The following EIPR1 variants were observed in gnomAD, a reference collection of about 807,000 sequenced individuals.
EIPR1 encodes the protein EARP and GARP complex-interacting protein 1.
In EIPR1, 25 loss-of-function variants were observed where a neutral mutation model predicts 48.1. The observed-to-expected ratio is 0.52, with a 90% CI of 0.38 to 0.73. The LOEUF is 0.73. Ranked by LOEUF, EIPR1 falls within the 30% of genes least tolerant of loss-of-function variation. The pLI, the probability that EIPR1 is intolerant of heterozygous loss-of-function variation, is 0.00. For synonymous variants in EIPR1, 204 were observed against 201.9 expected, an observed-to-expected ratio of 1.01 and a Z score of -0.09; for missense variants, 415 against 506.2, an observed-to-expected ratio of 0.82 and a Z score of 1.73.
At chr2:3,284,967 G>A (rs961106086) in intron 3 of EIPR1, among the ~76,000 whole-genome samples, 2 of 152,312 alleles carry the variant, frequency 1.3e-5, no homozygotes, top group Admixed American at 6.5e-5. Context: ...AAGAACAGAC[G>A]TGTAGGTATG....
chr2:3,321,371 C>G (rs1379902459), intron 3 of EIPR1, among the ~76,000 whole-genome samples: 1 of 152,212 alleles, frequency 6.6e-6, no homozygotes, highest in African/African-American at 2.4e-5. Flanking sequence ...GTATCAGCAT[C>G]TTGAGTGCAG....
At chr2:3,338,457 G>A (rs563179739) in intron 2 of EIPR1, among the ~76,000 whole-genome samples, 3 of 152,152 alleles carry the variant, frequency 2.0e-5, no homozygotes, top group African/African-American at 4.8e-5. Flanking sequence ...CTCTTAGACC[G>A]AGCCACTGTT....
chr2:3,199,155 C>T (rs556113242), intron 5 of EIPR1, among the ~76,000 whole-genome samples: 12 of 148,758 alleles, frequency 8.1e-5, no homozygotes, highest in South Asian at 2.1e-4. Flanking sequence ...TTATCTTATC[C>T]GTTTTGGTAA....
At chr2:3,284,838 G>T (rs1405839187) in intron 3 of EIPR1, among the ~76,000 whole-genome samples, 1 of 152,134 alleles carries the variant, frequency 6.6e-6, no homozygotes, top group East Asian at 1.9e-4. Context: ...GTCAGAGGAA[G>T]AGAAGGTGGC....
intron 3 of EIPR1, among the ~76,000 whole-genome samples, chr2:3,278,030 A>T (rs1461438455): frequency 1.3e-5 from 2 of 152,158 alleles, no homozygotes; most frequent in Admixed American, 1.3e-4. Context: ...GGCCTCCCTC[A>T]CTAGGGAACT....
intron 3 of EIPR1, among the ~76,000 whole-genome samples, chr2:3,335,211 G>T (rs556752743): frequency 6.6e-6 from 1 of 152,314 alleles, no homozygotes; most frequent in East Asian, 1.9e-4. Context: ...TGTTGAAGAG[G>T]CATGCGCTGT....
chr2:3,207,240 C>A (rs892228395), intron 5 of EIPR1, among the ~76,000 whole-genome samples: 20 of 152,326 alleles, frequency 1.3e-4, no homozygotes, highest in African/African-American at 4.8e-4. Flanking sequence ...ACCTGTAATT[C>A]CACTGTTAAA....
intron 5 of EIPR1, among the ~76,000 whole-genome samples, chr2:3,213,648 G>C (rs533457511): frequency 6.6e-6 from 1 of 152,266 alleles, no homozygotes; most frequent in South Asian, 2.1e-4. Flanking sequence ...GCAGCAAAAC[G>C]CAGATGTTTT....
chr2:3,351,924 G>C (rs531877378), intron 2 of EIPR1, among the ~76,000 whole-genome samples: 149 of 152,296 alleles, frequency 9.8e-4, no homozygotes, highest in African/African-American at 3.5e-3. Context: ...GTGTGGTGAA[G>C]TCTGGAGCCA....
At chr2:3,222,450 C>G (rs1483074586) in intron 4 of EIPR1, among the ~76,000 whole-genome samples, 2 of 152,112 alleles carry the variant, frequency 1.3e-5, no homozygotes, top group African/African-American at 2.4e-5. Flanking sequence ...CTTTTTAGAT[C>G]TATGAAGAAA....
chr2:3,268,872 G>C (rs1667577652), intron 3 of EIPR1, among the ~76,000 whole-genome samples: 1 of 152,166 alleles, frequency 6.6e-6, no homozygotes, highest in Non-Finnish European at 1.5e-5. Flanking sequence ...AATCTGGGAG[G>C]TAACATATGA....
intron 1 of EIPR1, among the ~76,000 whole-genome samples, chr2:3,364,575 C>G (rs1244823266): frequency 6.6e-6 from 1 of 150,748 alleles, no homozygotes; most frequent in South Asian, 2.1e-4. Context: ...GCAGAGGGTG[C>G]AGTGAGCCGA....
chr2:3,371,628 A>G (rs1001895412), intron 1 of EIPR1, among the ~76,000 whole-genome samples: 11 of 152,240 alleles, frequency 7.2e-5, no homozygotes, highest in African/African-American at 2.7e-4. Context: ...ATCAAAAGAG[A>G]CAAAGAAGCC....
intron 4 of EIPR1, among the ~76,000 whole-genome samples, chr2:3,238,626 A>G (rs529085470): frequency 1.3e-5 from 2 of 152,338 alleles, no homozygotes; most frequent in East Asian, 3.9e-4. Context: ...TCACAGAGGA[A>G]GCGTCCAATG....
At position 3,208,739 on chromosome 2, in the gene EIPR1, G is replaced by GTCC. The variant is rs1177980642; in HGVS notation, c.516+5407_516+5409dup. On this transcript the variant is annotated intron_variant, in intron 5 of 8. Transcript: ENST00000382125. The stretch of plus-strand genomic sequence containing the variant: ...CTTCCATGCGTGAGGCTCGTGGCGG[G>GTCC]TCCTTCTGTGAGTGAGGCCCGTGGC... 8.4e-6 allele frequency: 13 copies of GTCC among 1,547,592 alleles called. No individual in the cohort carries two copies. In the African/African-American group the frequency reaches 1.1e-4, roughly 13 times the overall value.
At chr2:3,353,543 T>TATGAAA (rs1670642018) in intron 2 of EIPR1, among the ~76,000 whole-genome samples, 2 of 152,222 alleles carry the variant, frequency 1.3e-5, no homozygotes, top group African/African-American at 4.8e-5. Context: ...CAAGTGGCAA[T>TATGAAA]TTCATATTGT....
At chr2:3,282,019 C>A (rs868150639) in intron 3 of EIPR1, among the ~76,000 whole-genome samples, 1 of 152,170 alleles carries the variant, frequency 6.6e-6, no homozygotes, top group African/African-American at 2.4e-5. Context: ...GCACTGCGTA[C>A]GTGGAAATGA....
intron 3 of EIPR1, among the ~76,000 whole-genome samples, chr2:3,324,438 C>T (rs959606843): frequency 4.6e-5 from 7 of 152,248 alleles, no homozygotes; most frequent in African/African-American, 1.2e-4. Context: ...TGCTGCTCCT[C>T]AGGATGCAGG....
chr2:3,220,675 G>A (rs1665853376), intron 4 of EIPR1, among the ~76,000 whole-genome samples: 1 of 151,450 alleles, frequency 6.6e-6, no homozygotes. Flanking sequence ...AGCATTCACA[G>A]TGACTCAGGA....
Sources: gnomAD v4.1 joint callset for allele counts (sites outside exome capture counted in the v4.1 genomes callset) on GRCh38, gnomAD v4.1.1 for gene constraint, MANE v1.5 for transcripts, NCBI Gene and HGNC (gene_info 2026-07-23, HGNC 2026-07-21) for gene names.